The following IFNAR2 variants were observed in gnomAD, a reference collection of about 807,000 sequenced individuals.
IFNAR2 encodes the protein interferon alpha and beta receptor subunit 2, also known as interferon alpha/beta receptor 2.
A neutral mutation model predicts 49.4 loss-of-function variants in IFNAR2; 30 were observed. The ratio of observed to expected loss-of-function variants is 0.61; its 90% CI spans 0.45 to 0.82. The LOEUF (loss-of-function observed/expected upper bound fraction) is 0.82. Among genes scored for constraint, IFNAR2 ranks in the 40% least tolerant of loss-of-function variants. The pLI is 0.00. For missense variants in IFNAR2, 600 were observed against 622.7 expected (o/e 0.96, Z 0.39); for synonymous variants, 224 against 234.5 (o/e 0.96, Z 0.41).
In IFNAR2 at chr21:33,262,083, C is replaced by T. The variant is rs375096613; in HGVS notation, c.841-710C>T. On this transcript the variant is annotated intron_variant, in intron 8 of 8. Transcript: ENST00000342136. ...GTAAAGTGGGCATAAGAATAGTAAGCCTGGCCAGGCGCGGTGGCCACGCCT... is the reference window on the plus strand; with the variant it reads ...GTAAAGTGGGCATAAGAATAGTAAGTCTGGCCAGGCGCGGTGGCCACGCCT... Among the ~76,000 whole-genome samples, 4 of 151,878 alleles carry T rather than the reference C, an allele frequency of 2.6e-5. No individual in the cohort carries two copies. The East Asian group carries it at 5.9e-4, about 22-fold the overall frequency.
chr21:33,252,057 T>C (rs1481677460), intron 6 of IFNAR2: 1 of 371,682 alleles, frequency 2.7e-6, no homozygotes, highest in African/African-American at 2.2e-5. Flanking sequence ...CACTCCAGCC[T>C]GGGCAACAGA....
At chr21:33,259,788 C>T (rs1988443591) in intron 7 of IFNAR2, among the ~76,000 whole-genome samples, 1 of 152,210 alleles carries the variant, frequency 6.6e-6, no homozygotes, top group African/African-American at 2.4e-5. Flanking sequence ...GAACCCTGTG[C>T]TATCTAACAG....
At chr21:33,256,271 AT>A (rs1274465378) in intron 7 of IFNAR2, among the ~76,000 whole-genome samples, 1 of 152,242 alleles carries the variant, frequency 6.6e-6, no homozygotes, top group Non-Finnish European at 1.5e-5. Flanking sequence ...TGAATGCGTC[AT>A]GTTGCACATC....
chr21:33,245,810 G>A (rs1343995946), intron 4 of IFNAR2, among the ~76,000 whole-genome samples: 4 of 152,170 alleles, frequency 2.6e-5, no homozygotes, highest in African/African-American at 9.7e-5. Flanking sequence ...CCTCTTGTGA[G>A]TTTCTCTTCG....
chr21:33,257,003 T>C (rs1159750666), intron 7 of IFNAR2, among the ~76,000 whole-genome samples: 2 of 152,106 alleles, frequency 1.3e-5, no homozygotes, highest in East Asian at 1.9e-4. Flanking sequence ...CAAGTGTGAT[T>C]TATTGGTGGG....
At chr21:33,260,814 C>A in intron 8 of IFNAR2, 87 bp downstream of exon 8, 1 of 853,022 alleles carries the variant, frequency 1.2e-6, no homozygotes, top group Non-Finnish European at 1.7e-6. Context: ...AATATTTTCA[C>A]AGAAGAAAAT....
intron 2 of IFNAR2, 32 bp from the exon 3 acceptor site, chr21:33,243,641 A>G (rs759459687): frequency 8.2e-6 from 13 of 1,590,920 alleles, no homozygotes; most frequent in Non-Finnish European, 1.1e-5. Flanking sequence ...AGATAAAACT[A>G]TTGCCTCTCT....
rs1601802590 is a variant in IFNAR2, at chr21:33,246,966, GGTCTACAAAGGT to G, written c.394+79_394+90del. 5.5e-6 allele frequency: 7 copies of G among 1,276,892 alleles called. No individual in the cohort carries two copies. In the East Asian group the frequency reaches 1.7e-4, roughly 31 times the overall value. 79.1% of individuals were successfully genotyped at this position (1,276,892 alleles called of 1,614,324 possible). On this transcript the variant is annotated intron_variant, in intron 5 of 8. Coordinates refer to ENST00000342136, the MANE Select transcript of IFNAR2 (RefSeq NM_001289125.3). Reference sequence around the variant, plus strand: ...TTATTTGCTATTCCATGAAATAGGAGGTCTACAAAGGTGTTTTAGACCTGGGGCTGGGCTCAC... The same window carrying G: ...TTATTTGCTATTCCATGAAATAGGAGGTTTTAGACCTGGGGCTGGGCTCAC...
chr21:33,263,194 G>A lies in IFNAR2; in HGVS notation c.1242G>A (p.Thr414=), dbSNP rs149915475. The change falls in exon 9 of 9, where the codon ACG becomes ACA. Residue 414 remains threonine (T), a synonymous_variant. Coordinates refer to ENST00000342136, the MANE Select transcript of IFNAR2 (RefSeq NM_001289125.3). ...DPFPEEDYSS[T]EGSGGRITFN... is the part of the protein sequence containing the mutation. ...TTCCCGAAGAGGACTACAGCTCCAC[G>A]GAGGGGTCTGGGGGCAGAATTACCT... The A allele has an allele frequency of 9.1e-5, 147 of 1,614,216 alleles. No homozygotes were observed. The South Asian group carries it at 1.1e-3, about 12-fold the overall frequency.
At chr21:33,241,814 C>T in intron 1 of IFNAR2, 26 bp from the exon 2 acceptor site, 1 of 1,534,736 alleles carries the variant, frequency 6.5e-7, no homozygotes, top group Non-Finnish European at 8.8e-7. Flanking sequence ...ATTATCTTGT[C>T]TTTGCTCCCA....
Position 33,252,803 on chromosome 21 carries a change from A to T in IFNAR2, c.682A>T (p.Thr228Ser). The change falls in exon 7 of 9, where the codon ACC becomes TCC. Residue 228 changes from threonine to serine, a missense_variant. Coordinates refer to ENST00000342136, the MANE Select transcript of IFNAR2 (RefSeq NM_001289125.3). ...QAVIKSPLKC[T>S]LLPPGQESES... The stretch of plus-strand genomic sequence containing the variant: ...AGTAATAAAGTCTCCCTTAAAATGC[A>T]CCCTCCTTCCACCTGGCCAGGAATC... The T allele has an allele frequency of 6.2e-7, 1 of 1,613,772 alleles. No homozygotes were observed. The highest frequency in any genetic ancestry group is 8.5e-7 in the Non-Finnish European group (1 of 1,179,808).
intron 4 of IFNAR2, among the ~76,000 whole-genome samples, chr21:33,245,550 T>A (rs995028896): frequency 8.5e-5 from 13 of 152,244 alleles, no homozygotes; most frequent in African/African-American, 3.1e-4. Context: ...CATAGTCTGG[T>A]TTGGTCACTA....
In IFNAR2 at chr21:33,263,854, CTTT is replaced by C. The variant is rs58370026; in HGVS notation, c.*370_*372del. The C allele has an allele frequency of 2.6e-3, 330 of 127,068 alleles. No individual in the cohort carries two copies. The highest frequency in any genetic ancestry group is 8.2e-3 in the South Asian group (36 of 4,408). 7.9% of individuals were successfully genotyped at this position (127,068 alleles called of 1,614,324 possible). ...CCTATGATATTTCTCTTCTTTCGTT[CTTT>C]TTTTTTTTTTTTTTTGAGACAGAGT... On this transcript the variant is annotated 3_prime_UTR_variant, in exon 9 of 9. Coordinates refer to ENST00000342136, the MANE Select transcript of IFNAR2 (RefSeq NM_001289125.3).
intron 6 of IFNAR2, chr21:33,251,706 A>C: frequency 1.0e-6 from 1 of 985,084 alleles, no homozygotes; most frequent in Non-Finnish European, 1.2e-6. Context: ...ATGATACAAA[A>C]GTTATTATTC....
intron 1 of IFNAR2, among the ~76,000 whole-genome samples, chr21:33,235,648 C>T (rs568177099): frequency 4.6e-5 from 7 of 152,238 alleles, no homozygotes; most frequent in Admixed American, 1.3e-4. Context: ...AAAAATAGGC[C>T]GGGCATGGTG....
chr21:33,250,219 G>A (rs781452845), intron 6 of IFNAR2, among the ~76,000 whole-genome samples: 8 of 152,252 alleles, frequency 5.3e-5, no homozygotes, highest in Non-Finnish European at 1.0e-4. Context: ...AAGTTTATGT[G>A]GCCTAAGGAC....
intron 7 of IFNAR2, among the ~76,000 whole-genome samples, chr21:33,256,805 G>A (rs933385274): frequency 3.9e-5 from 6 of 152,156 alleles, no homozygotes; most frequent in Non-Finnish European, 7.3e-5. Flanking sequence ...TTACATTGCA[G>A]TAGGAGACAG....
intron 1 of IFNAR2, among the ~76,000 whole-genome samples, chr21:33,238,871 C>T (rs1425150101): frequency 6.6e-6 from 1 of 151,368 alleles, no homozygotes; most frequent in Non-Finnish European, 1.5e-5. Flanking sequence ...AGATGCAAAT[C>T]GCTCTTAAAC....
rs113858480 is a variant in IFNAR2 at position 33,231,719 on chromosome 21, A to ATGTTT, written c.-84+1514_-84+1518dup. On this transcript the variant is annotated intron_variant, in intron 1 of 8. Transcript: ENST00000342136. ...GTATCATCTTCCGTTATCAATCATC[A>ATGTTT]TGTTTTGTTTTGTTTGGTTTGGTTT... 4.1e-6 allele frequency: 4 copies of ATGTTT among 981,882 alleles called. No individual in the cohort carries two copies. The African/African-American group carries it at 5.3e-5, about 13-fold the overall frequency. 60.8% of individuals were successfully genotyped at this position (981,882 alleles called of 1,614,324 possible). A position where few individuals can be genotyped will look rare whatever the true frequency, so the allele number is the denominator to read the frequency against.
Sources: allele counts gnomAD v4.1 joint callset (sites outside exome capture counted in the v4.1 genomes callset), GRCh38; gene constraint gnomAD v4.1.1; transcripts MANE v1.5; gene names NCBI Gene and HGNC (gene_info 2026-07-23, HGNC 2026-07-21).